The following MEAF6 variants were observed in gnomAD, a reference collection of about 807,000 sequenced individuals.
MEAF6 encodes the protein MYST/Esa1 associated factor 6.
MEAF6 carries 15 observed loss-of-function variants against 28.9 expected under a neutral mutation model. The ratio of observed to expected loss-of-function variants is 0.52; its 90% CI spans 0.35 to 0.80. The LOEUF is 0.80. Among genes scored for constraint, MEAF6 ranks in the 30% least tolerant of loss-of-function variants. MEAF6 has a pLI of 0.01. For missense variants in MEAF6, 178 were observed against 237.5 expected (o/e 0.75, Z 1.65); for synonymous variants, 97 against 88.7 (o/e 1.09, Z -0.53).
At chr1:37,510,224 C>T (rs1642622557) in intron 2 of MEAF6, among the ~76,000 whole-genome samples, 2 of 151,202 alleles carry the variant, frequency 1.3e-5, no homozygotes, top group Admixed American at 6.6e-5. Context: ...ATTACAGGCA[C>T]GTGCCACCAC....
chr1:37,505,578 C>T (rs1642454395), intron 4 of MEAF6, among the ~76,000 whole-genome samples: 1 of 152,100 alleles, frequency 6.6e-6, no homozygotes. Flanking sequence ...CCCAGAGAAA[C>T]CAAAAGATTG....
chr1:37,498,365 A>G (rs17558598), intron 5 of MEAF6, among the ~76,000 whole-genome samples: 1 of 151,160 alleles, frequency 6.6e-6, no homozygotes, highest in African/African-American at 2.4e-5. Flanking sequence ...ATCTAAAGTA[A>G]TTTTTTATAG....
chr1:37,508,468 A>T (rs1174302329), intron 4 of MEAF6, among the ~76,000 whole-genome samples: 3 of 151,732 alleles, frequency 2.0e-5, no homozygotes, highest in Non-Finnish European at 4.4e-5. Flanking sequence ...TTGTAGAGAC[A>T]GAGTCTTGCT....
chr1:37,495,716 A>AAAAAAAAAAAAAC (rs1557603988), intron 6 of MEAF6, among the ~76,000 whole-genome samples, 169 bp downstream of exon 6: 4 of 129,704 alleles, frequency 3.1e-5, no homozygotes, highest in Non-Finnish European at 5.2e-5. Context: ...AAAAAAAAAA[A>AAAAAAAAAAAAAC]AAACAAAAAA....
intron 2 of MEAF6, among the ~76,000 whole-genome samples, chr1:37,510,077 ATT>A (rs958473140): frequency 3.4e-4 from 45 of 133,292 alleles, no homozygotes; most frequent in Middle Eastern, 4.1e-3. Context: ...GCGCCCAGAC[ATT>A]TTTTTTTTTT....
intron 5 of MEAF6, 21 bp downstream of exon 5, chr1:37,501,783 G>C (rs757837470): frequency 1.9e-6 from 3 of 1,541,280 alleles, no homozygotes; most frequent in Admixed American, 1.8e-5. Flanking sequence ...GAGCTGCGGG[G>C]GTGGGATCCC....
At chr1:37,505,866 A>T (rs1642463884) in intron 4 of MEAF6, among the ~76,000 whole-genome samples, 1 of 152,224 alleles carries the variant, frequency 6.6e-6, no homozygotes, top group African/African-American at 2.4e-5. Context: ...ATGGTGCTGG[A>T]ACAACTAGAT....
intron 6 of MEAF6, among the ~76,000 whole-genome samples, chr1:37,494,628 C>G (rs924920577): frequency 1.3e-5 from 2 of 151,392 alleles, no homozygotes; most frequent in African/African-American, 2.4e-5. Context: ...GTCAGGAGCT[C>G]GAGACCAGCC....
At chr1:37,511,989 A>C (rs1278568298) in intron 2 of MEAF6, among the ~76,000 whole-genome samples, 1 of 152,204 alleles carries the variant, frequency 6.6e-6, no homozygotes, top group African/African-American at 2.4e-5. Context: ...TAGGTAGAAG[A>C]AATGGCCCTA....
chr1:37,501,009 C>T (rs1250707252), intron 5 of MEAF6: 1 of 154,156 alleles, frequency 6.5e-6, no homozygotes, highest in Non-Finnish European at 1.5e-5. Context: ...GCCAGCAAAA[C>T]TCCTTACTCT....
rs1251779537 is a variant in MEAF6, at chr1:37,494,033, T to G, written c.*66A>C. The G allele has an allele frequency of 3.8e-6, 6 of 1,598,958 alleles. No homozygotes were observed. In the Admixed American group the frequency reaches 9.1e-5, roughly 24 times the overall value. ...CACGAACTCAGGTGAAGGATGTTTA[T>G]CTTTGTGAGGTCAGAGAAGGGAAGC... is the stretch of plus-strand genomic sequence containing the variant. On this transcript the variant is annotated 3_prime_UTR_variant, in exon 7 of 7. Coordinates refer to ENST00000296214, the MANE Select transcript of MEAF6 (RefSeq NM_001270875.3).
At chr1:37,497,613 CAG>C (rs1459029021) in intron 5 of MEAF6, among the ~76,000 whole-genome samples, 1 of 146,268 alleles carries the variant, frequency 6.8e-6, no homozygotes, top group Non-Finnish European at 1.5e-5. Context: ...TTTTTTGAGA[CAG>C]AGTTTTGCTC....
chr1:37,495,861 T>C, intron 6 of MEAF6, 24 bp downstream of exon 6: 2 of 1,613,570 alleles, frequency 1.2e-6, no homozygotes, highest in Middle Eastern at 3.3e-4. Flanking sequence ...CCAGCCTCTC[T>C]GAAGTGGTCC....
chr1:37,502,229 A>G lies in MEAF6; in HGVS notation c.341-233T>C, dbSNP rs374054797. Among the ~76,000 whole-genome samples, 3 of 152,298 alleles carry G rather than the reference A, an allele frequency of 2.0e-5. No individual in the cohort carries two copies. The East Asian group carries it at 5.8e-4, about 29-fold the overall frequency. On this transcript the variant is annotated intron_variant, in intron 4 of 6. Transcript: ENST00000296214. ...ATCTGAAACAATGTAACCAGAGAGA[A>G]CAGCTCTAAGGGCAGTTTTTGTTTT... is the stretch of plus-strand genomic sequence containing the variant.
Position 37,493,952 on chromosome 1 carries a change from A to G in MEAF6, c.*147T>C. The G allele has an allele frequency of 6.3e-7, 1 of 1,574,952 alleles. No homozygotes were observed. The highest frequency in any genetic ancestry group is 1.4e-5 in the African/African-American group (1 of 73,052). ...AAATGACTTGTTTGTCACCACATTT[A>G]GAACAAACTACTCAAAGTCACAGGC... is the stretch of plus-strand genomic sequence containing the variant. On this transcript the variant is annotated 3_prime_UTR_variant, in exon 7 of 7. Coordinates refer to ENST00000296214, the MANE Select transcript of MEAF6 (RefSeq NM_001270875.3).
At chr1:37,502,148 ACAGAGAAGATACAT>A (rs1484372822) in intron 4 of MEAF6, 152 bp from the exon 5 acceptor site, 10 of 492,668 alleles carry the variant, frequency 2.0e-5, no homozygotes, top group Admixed American at 3.5e-5. Flanking sequence ...ATACATGTTG[ACAGAGAAGATACAT>A]ACAAAGGATC....
rs540798197 is a variant in MEAF6 at position 37,499,328 on chromosome 1, C to T, written c.533+2476G>A. On this transcript the variant is annotated intron_variant, in intron 5 of 6. Transcript: ENST00000296214. ...ACTCATCTCACTATATGGGGTATGG[C>T]ACACTGGAGGATAAACATGTACTAT... 2.6e-5 allele frequency among the ~76,000 whole-genome samples: 4 copies of T among 152,222 alleles called. 1 individual carries two copies. The South Asian group carries it at 8.3e-4, about 32-fold the overall frequency.
chr1:37,510,715 T>C (rs938920545), intron 2 of MEAF6, among the ~76,000 whole-genome samples: 1 of 150,864 alleles, frequency 6.6e-6, no homozygotes, highest in African/African-American at 2.4e-5. Flanking sequence ...TATTTTACCT[T>C]ATTTACTTAT....
intron 5 of MEAF6, among the ~76,000 whole-genome samples, chr1:37,500,165 G>A (rs747751438): frequency 8.5e-5 from 13 of 152,128 alleles, no homozygotes; most frequent in Admixed American, 3.3e-4. Context: ...GCACAGTGGT[G>A]CACGCCTGTA....
Sources: allele counts gnomAD v4.1 joint callset (sites outside exome capture counted in the v4.1 genomes callset), GRCh38; gene constraint gnomAD v4.1.1; transcripts MANE v1.5; gene names NCBI Gene and HGNC (gene_info 2026-07-23, HGNC 2026-07-21).